The following PRKAR1A variants were observed in gnomAD, a reference collection of about 807,000 sequenced individuals.
The protein encoded by PRKAR1A is cAMP-dependent protein kinase type I-alpha regulatory subunit.
In PRKAR1A, 3 loss-of-function variants were observed where a neutral mutation model predicts 52.0. The ratio of observed to expected loss-of-function variants is 0.06; its 90% CI spans 0.03 to 0.15. The LOEUF (loss-of-function observed/expected upper bound fraction) is 0.15, where lower values mean the gene tolerates loss of function less well. Ranked by LOEUF, PRKAR1A falls within the 10% of genes least tolerant of loss-of-function variation. The probability of loss-of-function intolerance (pLI) is 1.00; values close to 1 mark genes in which losing one functional copy is unlikely to be tolerated. For missense variants in PRKAR1A, 240 were observed against 477.4 expected (o/e 0.50, Z 4.63); for synonymous variants, 188 against 168.4 (o/e 1.12, Z -0.90).
At chr17:68,548,649 C>G (rs1184252684) in intron 11 of PRKAR1A, among the ~76,000 whole-genome samples, 1 of 151,714 alleles carries the variant, frequency 6.6e-6, no homozygotes, top group Non-Finnish European at 1.5e-5. Context: ...TTGCCACAAG[C>G]CTTCACTTTG....
chr17:68,471,639 AG>A, the PRKAR1A span, among the ~76,000 whole-genome samples: 2 of 151,986 alleles, frequency 1.3e-5, no homozygotes, highest in Admixed American at 6.6e-5. Context: ...TTACTGGGAG[AG>A]GGGGGAGGTC....
chr17:68,518,455 C>T (rs993845023), intron 2 of PRKAR1A, among the ~76,000 whole-genome samples: 1 of 152,252 alleles, frequency 6.6e-6, no homozygotes, highest in Admixed American at 6.5e-5. Context: ...CACCCACAGG[C>T]CCAGCACCAC....
In PRKAR1A at chr17:68,525,837, A is replaced by G. The variant is rs778368357; in HGVS notation, c.633A>G (p.Arg211=). ...GELALIYGTP[R]AATVKAKTNV... ...TTGCTTTGATTTATGGAACACCGAGAGCAGCCACTGTCAAAGCAAAGACAA... is the reference window on the plus strand; with the variant it reads ...TTGCTTTGATTTATGGAACACCGAGGGCAGCCACTGTCAAAGCAAAGACAA... The change falls in exon 7 of 11, where the codon AGA becomes AGG. Residue 211 remains arginine, a synonymous_variant. Coordinates refer to ENST00000589228, the MANE Select transcript of PRKAR1A (RefSeq NM_002734.5). The G allele has an allele frequency of 1.9e-6, 3 of 1,613,798 alleles. No individual in the cohort carries two copies. The East Asian group carries it at 6.7e-5, about 36-fold the overall frequency.
intron 1 of PRKAR1A, chr17:68,512,977 C>G (rs937268277): frequency 6.6e-6 from 1 of 152,414 alleles, no homozygotes; most frequent in Non-Finnish European, 1.5e-5. Flanking sequence ...TCTTGTAAGC[C>G]GGTAGTTTTC....
chr17:68,464,980 C>T, the PRKAR1A span, among the ~76,000 whole-genome samples: 1 of 149,440 alleles, frequency 6.7e-6, no homozygotes, highest in Non-Finnish European at 1.5e-5. Flanking sequence ...GGCTGGAGTG[C>T]AGTGGCGTGA....
At chr17:68,545,572 G>A (rs2086513747) in intron 11 of PRKAR1A, among the ~76,000 whole-genome samples, 1 of 152,212 alleles carries the variant, frequency 6.6e-6, no homozygotes, top group South Asian at 2.1e-4. Flanking sequence ...TGACTGACTG[G>A]GGTGGTGGTT....
chr17:68,421,809 G>T, the PRKAR1A span: 25 of 1,614,100 alleles, frequency 1.5e-5, no homozygotes, highest in Non-Finnish European at 1.9e-5. Context: ...GATTTCCACG[G>T]CACAAGATTA....
intron 7 of PRKAR1A, among the ~76,000 whole-genome samples, chr17:68,526,798 G>C (rs562802640): frequency 5.3e-5 from 8 of 152,068 alleles, no homozygotes; most frequent in Non-Finnish European, 1.0e-4. Flanking sequence ...GAGAGGATCA[G>C]GAAAAATACC....
downstream of PRKAR1A, chr17:68,535,351 A>C (rs1176229833): frequency 4.4e-6 from 2 of 454,158 alleles, no homozygotes; most frequent in East Asian, 1.4e-4. Context: ...GAGTGCAGCA[A>C]AATGTGTATA....
In PRKAR1A at chr17:68,531,423, A is replaced by C; in HGVS notation, c.*974A>C. 2.8e-6 allele frequency: 3 copies of C among 1,066,038 alleles called. No individual in the cohort carries two copies. Among genetic ancestry groups the C allele is most frequent in the Non-Finnish European group, 2.3e-6 (2 of 879,602 alleles). The allele number at this position is 1,066,038 out of a possible 1,614,324, so 66.0% of individuals were successfully genotyped here. A position where few individuals can be genotyped will look rare whatever the true frequency, so the allele number is the denominator to read the frequency against. On this transcript the variant is annotated 3_prime_UTR_variant, in exon 11 of 11. Coordinates refer to ENST00000589228, the MANE Select transcript of PRKAR1A (RefSeq NM_002734.5). ...GCTGTGACTAGATACAGATGGAGCA[A>C]ATGTCCTAACAGAGAAATAGAGGTG...
intron 11 of PRKAR1A, chr17:68,543,747 C>T (rs769715119): frequency 6.3e-6 from 10 of 1,593,414 alleles, no homozygotes; most frequent in South Asian, 1.1e-5. Flanking sequence ...GAATCACGCC[C>T]TGGACTCAGA....
chr17:68,531,573 C>G lies in PRKAR1A; in HGVS notation c.*1124C>G. ...CTTTGGTTTAGTCTTTTTTTCCTTC[C>G]TTTTTATTCAGCTAGAATTTCTGGT... is the stretch of plus-strand genomic sequence containing the variant. On this transcript the variant is annotated 3_prime_UTR_variant, in exon 11 of 11. Coordinates refer to ENST00000589228, the MANE Select transcript of PRKAR1A (RefSeq NM_002734.5). 9.4e-7 allele frequency: 1 copy of G among 1,066,212 alleles called. No homozygotes were observed. Among genetic ancestry groups the G allele is most frequent in the Non-Finnish European group, 1.1e-6 (1 of 879,594 alleles). The allele number at this position is 1,066,212 out of a possible 1,614,324, so 66.0% of individuals were successfully genotyped here. A position where few individuals can be genotyped will look rare whatever the true frequency, so the allele number is the denominator to read the frequency against.
intron 5 of PRKAR1A, among the ~76,000 whole-genome samples, chr17:68,524,418 A>G (rs982898700): frequency 6.6e-6 from 1 of 152,164 alleles, no homozygotes; most frequent in Non-Finnish European, 1.5e-5. Flanking sequence ...TAAATGAAAC[A>G]CCTACATTCT....
At chr17:68,431,471 A>G in the PRKAR1A span, among the ~76,000 whole-genome samples, 1 of 152,094 alleles carries the variant, frequency 6.6e-6, no homozygotes, top group Admixed American at 6.5e-5. Context: ...GCTCTGCAGC[A>G]GGTCTGACTC....
chr17:68,528,848 T>G (rs1446146981), intron 8 of PRKAR1A, 22 bp from the exon 9 acceptor site: 4 of 1,613,174 alleles, frequency 2.5e-6, no homozygotes, highest in Non-Finnish European at 3.4e-6. Context: ...ACAGAGCAGT[T>G]ATTTTGATTC....
At position 68,543,853 on chromosome 17, in the gene PRKAR1A, C is replaced by T. The variant is rs147089593; in HGVS notation, c.974-7231C>T. 7.0e-4 allele frequency: 556 copies of T among 792,944 alleles called. 3 individuals are homozygous for T. The highest frequency in any genetic ancestry group is 5.5e-3 in the African/African-American group (325 of 59,466). 49.1% of individuals were successfully genotyped at this position (792,944 alleles called of 1,614,324 possible). A position where few individuals can be genotyped will look rare whatever the true frequency, so the allele number is the denominator to read the frequency against. On this transcript the variant is annotated intron_variant, in intron 11 of 11. Transcript: ENST00000585981. ...TTTCATGTACACACAGGCGATGGCA[C>T]GGCAAGTCAGGAATGGCCTGTGGCT...
chr17:68,529,799 A>T, intron 9 of PRKAR1A, 121 bp from the exon 10 acceptor site: 2 of 970,538 alleles, frequency 2.1e-6, no homozygotes, highest in East Asian at 2.4e-5. Context: ...GACTAACTTT[A>T]AAGTCATTTT....
the PRKAR1A span, among the ~76,000 whole-genome samples, chr17:68,496,003 CCTCCCCTCCCCTGCGCTCCCCTCCT>C: frequency 5.6e-4 from 1 of 1,770 alleles, no homozygotes; most frequent in African/African-American, 3.5e-3. Context: ...CCTCTCCTCC[CCTCCCCTCCCCTGCGCTCCCCTCCT>C]CTCCCCTCCT....
At chr17:68,501,416 C>T in the PRKAR1A span, among the ~76,000 whole-genome samples, 5 of 152,150 alleles carry the variant, frequency 3.3e-5, no homozygotes, top group South Asian at 4.1e-4. Context: ...ACTCCTATGG[C>T]GTTATAATCA....
Sources: gnomAD v4.1 joint callset for allele counts (sites outside exome capture counted in the v4.1 genomes callset) on GRCh38, gnomAD v4.1.1 for gene constraint, MANE v1.5 for transcripts, NCBI Gene and HGNC (gene_info 2026-07-23, HGNC 2026-07-21) for gene names.